Variants in THSD7A observed in about 807,000 individuals in gnomAD.
THSD7A encodes the protein thrombospondin type 1 domain containing 7A, also known as thrombospondin type-1 domain-containing protein 7A.
A neutral mutation model predicts 231.3 loss-of-function variants in THSD7A; 96 were observed. The observed-to-expected ratio is 0.41, with a 90% confidence interval of 0.35 to 0.49. The LOEUF (loss-of-function observed/expected upper bound fraction) is 0.49, where lower values mean the gene tolerates loss of function less well. Ranked by LOEUF, THSD7A falls within the 20% of genes least tolerant of loss-of-function variation. The probability of loss-of-function intolerance (pLI) is 0.05; values close to 1 mark genes in which losing one functional copy is unlikely to be tolerated. For missense variants in THSD7A, 2,290 were observed against 2,070.2 expected (o/e 1.11, Z -2.06); for synonymous variants, 940 against 743.3 (o/e 1.26, Z -4.30).
At chr7:11,573,615 T>C (rs755344731) in intron 4 of THSD7A, among the ~76,000 whole-genome samples, 9 of 152,234 alleles carry the variant, frequency 5.9e-5, no homozygotes, top group South Asian at 2.1e-4. Flanking sequence ...CAGGGTTCCA[T>C]TTATTCTCTT....
intron 9 of THSD7A, among the ~76,000 whole-genome samples, chr7:11,465,139 A>G (rs1162410796): frequency 6.6e-6 from 1 of 152,170 alleles, no homozygotes; most frequent in East Asian, 1.9e-4. Flanking sequence ...CAAGAGTCAC[A>G]TATAGTAAGT....
intron 1 of THSD7A, among the ~76,000 whole-genome samples, chr7:11,766,114 G>T (rs779486937): frequency 8.5e-5 from 13 of 152,144 alleles, no homozygotes; most frequent in Non-Finnish European, 1.8e-4. Context: ...GCTGTTTGAA[G>T]TCTCATGCCC....
chr7:11,645,125 C>A (rs796520650), intron 1 of THSD7A, among the ~76,000 whole-genome samples: 12 of 151,942 alleles, frequency 7.9e-5, no homozygotes, highest in African/African-American at 2.9e-4. Context: ...ATAATATTTT[C>A]TTTTGTTAAT....
intron 23 of THSD7A, among the ~76,000 whole-genome samples, chr7:11,386,522 G>C (rs1228765895): frequency 6.6e-6 from 1 of 152,158 alleles, no homozygotes; most frequent in Non-Finnish European, 1.5e-5. Flanking sequence ...CTTTTGAGAA[G>C]TGCTCATTCA....
At chr7:11,791,542 G>A (rs558689636) in intron 1 of THSD7A, among the ~76,000 whole-genome samples, 4 of 152,050 alleles carry the variant, frequency 2.6e-5, no homozygotes, top group South Asian at 2.1e-4. Flanking sequence ...GTATTACATG[G>A]TGAGGCCTTA....
chr7:11,594,036 G>T (rs1045032967), intron 2 of THSD7A, among the ~76,000 whole-genome samples: 1 of 152,144 alleles, frequency 6.6e-6, no homozygotes. Context: ...CCCTTAATCT[G>T]AGTGGACACC....
chr7:11,402,015 G>C, intron 22 of THSD7A, 47 bp from the exon 23 acceptor site: 1 of 1,542,432 alleles, frequency 6.5e-7, no homozygotes, highest in Non-Finnish European at 8.8e-7. Flanking sequence ...ACAGAGAAAA[G>C]CCAGCCCGAT....
At chr7:11,567,254 G>A (rs1337459236) in intron 4 of THSD7A, among the ~76,000 whole-genome samples, 3 of 152,078 alleles carry the variant, frequency 2.0e-5, no homozygotes, top group African/African-American at 4.8e-5. Context: ...TGAAGAGGAA[G>A]CAAGACACTT....
At chr7:11,772,613 T>C (rs2355083) in intron 1 of THSD7A, among the ~76,000 whole-genome samples, 78,590 of 151,908 alleles carry the variant, frequency 0.52, 20,468 homozygotes, top group Admixed American at 0.56. Flanking sequence ...AATGCAGAAA[T>C]GGAAAACCAC....
intron 1 of THSD7A, among the ~76,000 whole-genome samples, chr7:11,805,894 A>G (rs1784387354): frequency 6.6e-6 from 1 of 152,142 alleles, no homozygotes; most frequent in Non-Finnish European, 1.5e-5. Flanking sequence ...ACTGTAACTA[A>G]TGGATAACTT....
chr7:11,394,387 C>T (rs1783100716), intron 23 of THSD7A, among the ~76,000 whole-genome samples: 1 of 152,158 alleles, frequency 6.6e-6, no homozygotes, highest in African/African-American at 2.4e-5. Flanking sequence ...AAACTGGTAC[C>T]AGCCACTGCA....
At chr7:11,766,337 G>C (rs181457834) in intron 1 of THSD7A, among the ~76,000 whole-genome samples, 1 of 152,150 alleles carries the variant, frequency 6.6e-6, no homozygotes, top group African/African-American at 2.4e-5. Flanking sequence ...GATCTGAACA[G>C]CAATTTTATC....
chr7:11,822,560 T>C (rs947601535), intron 1 of THSD7A, among the ~76,000 whole-genome samples: 3 of 152,084 alleles, frequency 2.0e-5, no homozygotes, highest in Non-Finnish European at 4.4e-5. Flanking sequence ...TTTGGGTAGA[T>C]ACCCAGCAGT....
At chr7:11,646,857 T>C (rs138360795) in intron 1 of THSD7A, among the ~76,000 whole-genome samples, 2 of 152,164 alleles carry the variant, frequency 1.3e-5, no homozygotes, top group African/African-American at 2.4e-5. Context: ...TAGTTTATTT[T>C]AGAAGTAATT....
At chr7:11,740,247 T>A (rs1297811091) in intron 1 of THSD7A, among the ~76,000 whole-genome samples, 2 of 151,912 alleles carry the variant, frequency 1.3e-5, no homozygotes, top group Admixed American at 6.6e-5. Flanking sequence ...TTGGAAGCCA[T>A]GATGGCCGGG....
intron 1 of THSD7A, chr7:11,821,331 T>G (rs1217614729): frequency 5.4e-6 from 4 of 746,738 alleles, no homozygotes; most frequent in Admixed American, 3.6e-5. Flanking sequence ...TAATTTCATT[T>G]CATTTGGAGC....
At chr7:11,631,491 A>T (rs1051962293) in intron 2 of THSD7A, among the ~76,000 whole-genome samples, 3 of 152,192 alleles carry the variant, frequency 2.0e-5, no homozygotes, top group Non-Finnish European at 4.4e-5. Context: ...TTTATCTGCA[A>T]TTCTGGAATT....
chr7:11,680,488 C>T (rs1464570812), intron 1 of THSD7A, among the ~76,000 whole-genome samples: 1 of 152,108 alleles, frequency 6.6e-6, no homozygotes, highest in African/African-American at 2.4e-5. Context: ...CTACAAGCAA[C>T]TTAAACAAAT....
intron 16 of THSD7A, among the ~76,000 whole-genome samples, chr7:11,423,809 G>T (rs1784230469): frequency 6.6e-6 from 1 of 152,146 alleles, no homozygotes; most frequent in Non-Finnish European, 1.5e-5. Flanking sequence ...ACAAAATGGA[G>T]GTGATAAAAC....
Sources: allele counts gnomAD v4.1 joint callset (sites outside exome capture counted in the v4.1 genomes callset), GRCh38; gene constraint gnomAD v4.1.1; transcripts MANE v1.5; gene names NCBI Gene and HGNC (gene_info 2026-07-23, HGNC 2026-07-21).